SHISA5: variants seen among roughly 807,000 people sequenced by gnomAD.
SHISA5 encodes the protein shisa family member 5.
Under a neutral mutation model 27.5 loss-of-function variants are expected in SHISA5, and 21 were observed. The observed-to-expected ratio is 0.76, with a 90% CI of 0.54 to 1.10. The LOEUF (loss-of-function observed/expected upper bound fraction) is 1.10. Ranked by LOEUF, SHISA5 falls within the 50% of genes least tolerant of loss-of-function variation. The pLI is 0.00. For synonymous variants in SHISA5, 137 were observed against 142.2 expected, an observed-to-expected ratio of 0.96 and a Z score of 0.26; for missense variants, 314 against 336.3, an observed-to-expected ratio of 0.93 and a Z score of 0.52.
chr3:48,468,924 T>G lies in SHISA5; in HGVS notation c.*183A>C. On this transcript the variant is annotated 3_prime_UTR_variant, in exon 6 of 6. Coordinates refer to ENST00000296444, the MANE Select transcript of SHISA5 (RefSeq NM_016479.6). Reference sequence around the variant, plus strand: ...CCCAGCCCACTCTGGCAAGGATTGTTCCCCACCTTGTCAGCATCAGAGGAA... The same window carrying G: ...CCCAGCCCACTCTGGCAAGGATTGTGCCCCACCTTGTCAGCATCAGAGGAA... 1 of 1,547,102 alleles carries G rather than the reference T, an allele frequency of 6.5e-7. No homozygotes were observed. The highest frequency in any genetic ancestry group is 8.7e-7 in the Non-Finnish European group (1 of 1,153,112).
At chr3:48,476,322 C>T (rs1218804789) in intron 3 of SHISA5, among the ~76,000 whole-genome samples, 1 of 134,072 alleles carries the variant, frequency 7.5e-6, no homozygotes, top group East Asian at 2.2e-4. Flanking sequence ...GCCTGGGCAA[C>T]AGGAGAGAAA....
At position 48,470,059 on chromosome 3, in the gene SHISA5, C is replaced by T. The variant is rs781574455; in HGVS notation, c.315-216G>A. On this transcript the variant is annotated intron_variant, in intron 3 of 5. Transcript: ENST00000296444. The surrounding 1 kb of genome is among the most constrained non-coding windows in gnomAD (Gnocchi z 4.3). ...TAACTGTCTCTCCCTGGGTCTCCCCCGCTTGTCCCACCCTCAGAGGCATGG... is the reference window on the plus strand; with the variant it reads ...TAACTGTCTCTCCCTGGGTCTCCCCTGCTTGTCCCACCCTCAGAGGCATGG... The T allele has an allele frequency of 1.1e-4, 65 of 600,366 alleles. No homozygotes were observed. Among genetic ancestry groups the T allele is most frequent in the Non-Finnish European group, 1.7e-4 (57 of 343,772 alleles). The allele number at this position is 600,366 out of a possible 1,614,324, so 37.2% of individuals were successfully genotyped here. A position where few individuals can be genotyped will look rare whatever the true frequency, so the allele number is the denominator to read the frequency against.
In SHISA5 at chr3:48,473,093, A is replaced by G. The variant is rs370028720; in HGVS notation, c.315-3250T>C. On this transcript the variant is annotated intron_variant, in intron 3 of 5. Transcript: ENST00000296444. The surrounding 1 kb of genome is among the most constrained non-coding windows in gnomAD (Gnocchi z 4.3). The stretch of plus-strand genomic sequence containing the variant: ...TCCCATCGTGGGCCACTCAGTTTCA[A>G]TTTCCTCCCCTTTTGGAGAAAAAGA... 78 of 1,495,962 alleles carry G rather than the reference A, an allele frequency of 5.2e-5. 1 individual carries two copies. The highest frequency in any genetic ancestry group is 5.2e-4 in the East Asian group (21 of 40,334). The allele number at this position is 1,495,962 out of a possible 1,614,324, so 92.7% of individuals were successfully genotyped here. A position where few individuals can be genotyped will look rare whatever the true frequency, so the allele number is the denominator to read the frequency against.
intron 3 of SHISA5, among the ~76,000 whole-genome samples, chr3:48,474,947 C>T (rs1259638955): frequency 1.3e-5 from 2 of 152,168 alleles, no homozygotes; most frequent in South Asian, 2.1e-4. Context: ...CATGCCCGCA[C>T]GGAATTAAAT....
chr3:48,473,871 G>T lies in SHISA5; in HGVS notation c.315-4028C>A, dbSNP rs983597823. The stretch of plus-strand genomic sequence containing the variant: ...AGCCCAGGAGTTCGAGACCAGCCTG[G>T]GCAACATGGCAAAACTCCTTCTTTA... On this transcript the variant is annotated intron_variant, in intron 3 of 5. Coordinates refer to ENST00000296444, the MANE Select transcript of SHISA5 (RefSeq NM_016479.6). This position sits in a 1 kb window ranked among gnomAD's most constrained non-coding sequence, Gnocchi z 4.3. 4.7e-4 allele frequency among the ~76,000 whole-genome samples: 71 copies of T among 151,960 alleles called. No homozygotes were observed. The highest frequency in any genetic ancestry group is 3.8e-3 in the Admixed American group (58 of 15,234).
rs2041817011 is a variant in SHISA5 at position 48,503,599 on chromosome 3, C to A, written c.76+420G>T. On this transcript the variant is annotated intron_variant, in intron 1 of 5. Coordinates refer to ENST00000296444, the MANE Select transcript of SHISA5 (RefSeq NM_016479.6). ...CCGGGCTCTACAGGAACACAAGGGC[C>A]AACGGAGGCAGCGGTGGGGGCTCCC... 3 of 624,050 alleles carry A rather than the reference C, an allele frequency of 4.8e-6. No homozygotes were observed. In the South Asian group the frequency reaches 1.3e-4, roughly 27 times the overall value. The allele number at this position is 624,050 out of a possible 1,614,324, so 38.7% of individuals were successfully genotyped here. A position where few individuals can be genotyped will look rare whatever the true frequency, so the allele number is the denominator to read the frequency against.
intron 2 of SHISA5, among the ~76,000 whole-genome samples, chr3:48,488,554 C>T (rs1286387657): frequency 1.4e-5 from 2 of 141,974 alleles, no homozygotes; most frequent in Non-Finnish European, 3.1e-5. Flanking sequence ...TGTGAAAAGG[C>T]CGGGCGCGGT....
Position 48,468,539 on chromosome 3 carries a change from A to T in SHISA5, c.*568T>A. On this transcript the variant is annotated 3_prime_UTR_variant, in exon 6 of 6. Coordinates refer to ENST00000296444, the MANE Select transcript of SHISA5 (RefSeq NM_016479.6). ...ATGACAGGCTCCAGGGAGCAATGGG[A>T]CATCTGCCCAAAGGATCAAAGTCCA... The T allele has an allele frequency of 8.4e-7, 1 of 1,187,486 alleles. No individual in the cohort carries two copies. Among genetic ancestry groups the T allele is most frequent in the Non-Finnish European group, 1.1e-6 (1 of 942,006 alleles). 73.6% of individuals were successfully genotyped at this position (1,187,486 alleles called of 1,614,324 possible). A position where few individuals can be genotyped will look rare whatever the true frequency, so the allele number is the denominator to read the frequency against.
rs1384094175 is a variant in SHISA5 at position 48,492,737 on chromosome 3, G to C, written c.233+8400C>G. ...CTGGGCTTATAAACCACAGGGAATT[G>C]GTCTAAGGGCAGGATTTATGGTAAG... is the stretch of plus-strand genomic sequence containing the variant. On this transcript the variant is annotated intron_variant, in intron 2 of 5. Transcript: ENST00000296444. Among the ~76,000 whole-genome samples, 4 of 147,622 alleles carry C rather than the reference G, an allele frequency of 2.7e-5. No individual in the cohort carries two copies. The East Asian group carries it at 5.8e-4, about 21-fold the overall frequency.
Position 48,481,174 on chromosome 3 carries a change from C to T in SHISA5, c.234-1917G>A, listed in dbSNP as rs1331913109. On this transcript the variant is annotated intron_variant, in intron 2 of 5. Transcript: ENST00000296444. ...ACTCAAGATGAGCTGGGCGTGGTGG[C>T]TCACGCCTGTAATCCCAGCATTTTG... Among the ~76,000 whole-genome samples the T allele has an allele frequency of 2.6e-5, 4 of 152,260 alleles. No individual in the cohort carries two copies. The East Asian group carries it at 7.7e-4, about 29-fold the overall frequency.
At chr3:48,500,479 C>T (rs963269444) in intron 2 of SHISA5, among the ~76,000 whole-genome samples, 1 of 152,060 alleles carries the variant, frequency 6.6e-6, no homozygotes. Flanking sequence ...TGTAAGATAG[C>T]GGGGGTTGGT....
In SHISA5 at chr3:48,468,575, A is replaced by C; in HGVS notation, c.*532T>G. The C allele has an allele frequency of 8.4e-7, 1 of 1,189,888 alleles. No individual in the cohort carries two copies. The highest frequency in any genetic ancestry group is 5.8e-5 in the East Asian group (1 of 17,168). The allele number at this position is 1,189,888 out of a possible 1,614,324, so 73.7% of individuals were successfully genotyped here. A position where few individuals can be genotyped will look rare whatever the true frequency, so the allele number is the denominator to read the frequency against. On this transcript the variant is annotated 3_prime_UTR_variant, in exon 6 of 6. Transcript: ENST00000296444. ...AAGGATCAAAGTCCAACTTGGCCAG[A>C]TCCCAAGCTTCGCCTGCATCATGTC... is the stretch of plus-strand genomic sequence containing the variant.
chr3:48,503,309 C>A (rs993380336), intron 1 of SHISA5: 12 of 555,624 alleles, frequency 2.2e-5, no homozygotes, highest in Non-Finnish European at 3.1e-5. Flanking sequence ...CAGGAGTGGG[C>A]GGATTCTGGG....
chr3:48,496,022 C>G (rs2041537724), intron 2 of SHISA5, among the ~76,000 whole-genome samples: 1 of 146,540 alleles, frequency 6.8e-6, no homozygotes, highest in Non-Finnish European at 1.5e-5. Flanking sequence ...CGCAGTGGCT[C>G]AAGCCTGTAA....
intron 3 of SHISA5, among the ~76,000 whole-genome samples, chr3:48,478,403 A>AG (rs1247464485): frequency 2.6e-5 from 4 of 152,138 alleles, no homozygotes; most frequent in African/African-American, 4.8e-5. Flanking sequence ...CTTCCTCCAA[A>AG]GGGGAAACCC....
chr3:48,486,488 TTA>T (rs1258084418), intron 2 of SHISA5, among the ~76,000 whole-genome samples: 3 of 112,408 alleles, frequency 2.7e-5, no homozygotes, highest in African/African-American at 3.6e-5. Flanking sequence ...ATATTACATA[TTA>T]TATATATTTA....
In SHISA5 at chr3:48,469,777, G is replaced by A; in HGVS notation, c.381C>T (p.Cys127=). ...FVLSVVTIII[C]FTCSCCCLYK... ...AAAGGCAGCAGCAGGAGCAGGTGAA[G>A]CAGATGATGATAGTGACGACAGACA... is the stretch of plus-strand genomic sequence containing the variant. The change falls in exon 4 of 6, where the codon TGC becomes TGT. Residue 127 remains cysteine (C), a synonymous_variant. Transcript: ENST00000296444. This position sits in a 1 kb window ranked among gnomAD's most constrained non-coding sequence, Gnocchi z 4.6. The A allele has an allele frequency of 6.2e-7, 1 of 1,614,122 alleles. No homozygotes were observed. Among genetic ancestry groups the A allele is most frequent in the South Asian group, 1.1e-5 (1 of 91,084 alleles).
chr3:48,493,022 A>G lies in SHISA5; in HGVS notation c.233+8115T>C, dbSNP rs1220848988. 1.1e-4 allele frequency among the ~76,000 whole-genome samples: 17 copies of G among 147,934 alleles called. 2 individuals are homozygous for G. Among genetic ancestry groups the G allele is most frequent in the African/African-American group, 4.5e-4 (17 of 37,594 alleles). On this transcript the variant is annotated intron_variant, in intron 2 of 5. Coordinates refer to ENST00000296444, the MANE Select transcript of SHISA5 (RefSeq NM_016479.6). ...TCCTAAAAGCAGTCTGAATGGACTA[A>G]AACACATGAAACTTTCCTCATGTTT...
In SHISA5 at chr3:48,473,189, G is replaced by A. The variant is rs2040704981; in HGVS notation, c.315-3346C>T. 1 of 1,434,566 alleles carries A rather than the reference G, an allele frequency of 7.0e-7. No individual in the cohort carries two copies. Among genetic ancestry groups the A allele is most frequent in the South Asian group, 1.5e-5 (1 of 68,074 alleles). 88.9% of individuals were successfully genotyped at this position (1,434,566 alleles called of 1,614,324 possible). ...CGAAGCCCCGTTCCACCCTCTTAAA[G>A]ACACAGGATGGCCCCGCCCAGCAGC... is the stretch of plus-strand genomic sequence containing the variant. On this transcript the variant is annotated intron_variant, in intron 3 of 5. Transcript: ENST00000296444. This position sits in a 1 kb window ranked among gnomAD's most constrained non-coding sequence, Gnocchi z 4.3.
Sources: allele counts gnomAD v4.1 joint callset (sites outside exome capture counted in the v4.1 genomes callset), GRCh38; gene constraint gnomAD v4.1.1; non-coding constraint Gnocchi (gnomAD v3.1); transcripts MANE v1.5; gene names NCBI Gene and HGNC (gene_info 2026-07-23, HGNC 2026-07-21).